SEMA3E: variants seen among roughly 807,000 people sequenced by gnomAD.
SEMA3E encodes the protein semaphorin-3E.
A neutral mutation model predicts 93.6 loss-of-function variants in SEMA3E; 49 were observed. The observed-to-expected ratio is 0.52, with a 90% CI of 0.42 to 0.66. The LOEUF is 0.66. SEMA3E is among the 30% of genes least tolerant of loss of function. SEMA3E has a pLI of 0.00. For synonymous variants in SEMA3E, 363 were observed against 330.7 expected, an observed-to-expected ratio of 1.10 and a Z score of -1.06; for missense variants, 906 against 964.8, an observed-to-expected ratio of 0.94 and a Z score of 0.81.
intron 1 of SEMA3E, among the ~76,000 whole-genome samples, chr7:83,643,797 T>A (rs1311481362): frequency 6.6e-6 from 1 of 152,004 alleles, no homozygotes; most frequent in Non-Finnish European, 1.5e-5. Flanking sequence ...CACCACTTAA[T>A]TCTCACTGTC....
intron 4 of SEMA3E, among the ~76,000 whole-genome samples, chr7:83,441,506 G>T: frequency 6.6e-6 from 1 of 152,162 alleles, no homozygotes; most frequent in East Asian, 1.9e-4. Context: ...AAAAAAGAAA[G>T]ATATGGTGAT....
Position 83,394,337 on chromosome 7 carries a change from T to A in SEMA3E, c.1460A>T (p.Asp487Val). The change falls in exon 13 of 17, where the codon GAT becomes GTT. Residue 487 changes from aspartate (D) to valine (V), a missense_variant and splice_region_variant. Physicochemically the swap from Asp to Val is radical, Grantham distance 152. Coordinates refer to ENST00000643230, the MANE Select transcript of SEMA3E (RefSeq NM_012431.3). ...VILEELQIFK[D>V]PVPIISMEIS... is the part of the protein sequence containing the mutation. ...CTCCATAGAAATAATAGGAACTGGATCCTGAAATTTTAAAAAAGTTTTCAT... is the reference window on the plus strand; with the variant it reads ...CTCCATAGAAATAATAGGAACTGGAACCTGAAATTTTAAAAAAGTTTTCAT... 6.2e-7 allele frequency: 1 copy of A among 1,612,796 alleles called. No homozygotes were observed. The highest frequency in any genetic ancestry group is 8.5e-7 in the Non-Finnish European group (1 of 1,179,486).
chr7:83,541,065 A>T (rs549111215), intron 1 of SEMA3E, among the ~76,000 whole-genome samples: 1 of 152,284 alleles, frequency 6.6e-6, no homozygotes, highest in South Asian at 2.1e-4. Flanking sequence ...ACACACCCTT[A>T]GGGGAAGGCT....
At chr7:83,543,201 G>A (rs1331402984) in intron 1 of SEMA3E, among the ~76,000 whole-genome samples, 1 of 151,738 alleles carries the variant, frequency 6.6e-6, no homozygotes, top group African/African-American at 2.4e-5. Context: ...TTTGTTCTGG[G>A]GAAGCAGAAA....
At chr7:83,411,456 T>A (rs58557564) in intron 5 of SEMA3E, among the ~76,000 whole-genome samples, 6,409 of 152,218 alleles carry the variant, frequency 0.042, 194 homozygotes, top group African/African-American at 0.079. Context: ...TCCTTTCATA[T>A]CTTCATATCA....
At chr7:83,424,119 A>G (rs188489613) in intron 4 of SEMA3E, among the ~76,000 whole-genome samples, 2 of 152,316 alleles carry the variant, frequency 1.3e-5, no homozygotes, top group East Asian at 3.9e-4. Context: ...TTATCAGTGC[A>G]TAACAATAGA....
intron 1 of SEMA3E, among the ~76,000 whole-genome samples, chr7:83,559,118 T>G (rs2115828539): frequency 6.6e-6 from 1 of 152,208 alleles, no homozygotes; most frequent in South Asian, 2.1e-4. Context: ...GCAGGAACAG[T>G]ATTGGACTTG....
chr7:83,407,842 G>C (rs769054466), intron 6 of SEMA3E, among the ~76,000 whole-genome samples: 1 of 152,002 alleles, frequency 6.6e-6, no homozygotes, highest in Non-Finnish European at 1.5e-5. Flanking sequence ...TAAAAATGTG[G>C]AAAGTAATTA....
intron 1 of SEMA3E, among the ~76,000 whole-genome samples, chr7:83,525,954 ATT>A (rs1038776006): frequency 7.2e-6 from 1 of 139,010 alleles, no homozygotes; most frequent in Non-Finnish European, 1.6e-5. Flanking sequence ...TTGGTAGGTT[ATT>A]TTTTTTTTTT....
chr7:83,580,044 T>G (rs906830769), intron 1 of SEMA3E, among the ~76,000 whole-genome samples: 1 of 152,016 alleles, frequency 6.6e-6, no homozygotes, highest in Non-Finnish European at 1.5e-5. Flanking sequence ...TTTAATTTTA[T>G]GTGTCAATTC....
At position 83,367,243 on chromosome 7, in the gene SEMA3E, C is replaced by A. The variant is rs1458745143; in HGVS notation, c.*343G>T. On this transcript the variant is annotated 3_prime_UTR_variant, in exon 17 of 17. Transcript: ENST00000643230. ...TTTTATATTTACCATGATTATAAGT[C>A]TCCAATTTTTCTTCAATATTCTAAT... 3.9e-6 allele frequency: 1 copy of A among 254,592 alleles called. No homozygotes were observed. Among genetic ancestry groups the A allele is most frequent in the East Asian group, 9.7e-5 (1 of 10,332 alleles). 15.8% of individuals were successfully genotyped at this position (254,592 alleles called of 1,614,324 possible).
intron 16 of SEMA3E, among the ~76,000 whole-genome samples, chr7:83,380,446 C>G: frequency 6.6e-6 from 1 of 152,006 alleles, no homozygotes; most frequent in Non-Finnish European, 1.5e-5. Context: ...ATTCCTTGAT[C>G]TGTCTACTCA....
chr7:83,542,044 C>A (rs1791546682), intron 1 of SEMA3E, among the ~76,000 whole-genome samples: 1 of 152,000 alleles, frequency 6.6e-6, no homozygotes, highest in African/African-American at 2.4e-5. Context: ...TGTAGTGACT[C>A]AGTGACAGTC....
chr7:83,580,964 T>A (rs988655548), intron 1 of SEMA3E, among the ~76,000 whole-genome samples: 2 of 151,958 alleles, frequency 1.3e-5, no homozygotes, highest in African/African-American at 4.8e-5. Context: ...TTATATTCCC[T>A]AGATGATGAA....
intron 4 of SEMA3E, among the ~76,000 whole-genome samples, chr7:83,458,953 A>ATG (rs1554328012): frequency 0.044 from 6,343 of 143,786 alleles, 199 homozygotes; most frequent in African/African-American, 0.08. Context: ...ACATATGTAT[A>ATG]TGTGTGTGTG....
chr7:83,582,855 T>A (rs909230558), intron 1 of SEMA3E, among the ~76,000 whole-genome samples: 1 of 151,974 alleles, frequency 6.6e-6, no homozygotes, highest in Non-Finnish European at 1.5e-5. Flanking sequence ...AAAACATAAG[T>A]AATGAAAAAT....
intron 4 of SEMA3E, among the ~76,000 whole-genome samples, chr7:83,442,050 G>GA (rs1456202541): frequency 5.3e-5 from 8 of 152,122 alleles, no homozygotes; most frequent in Admixed American, 4.6e-4. Flanking sequence ...ATATTATGGA[G>GA]AAAAAATGTA....
intron 1 of SEMA3E, among the ~76,000 whole-genome samples, chr7:83,639,449 A>G (rs1008295046): frequency 9.2e-5 from 14 of 152,032 alleles, no homozygotes; most frequent in African/African-American, 3.4e-4. Flanking sequence ...CCAACTAAAT[A>G]TATATACATT....
At chr7:83,572,413 G>T (rs973474566) in intron 1 of SEMA3E, among the ~76,000 whole-genome samples, 1 of 152,050 alleles carries the variant, frequency 6.6e-6, no homozygotes, top group African/African-American at 2.4e-5. Flanking sequence ...GGCCAAGGCG[G>T]GTGGATCAGG....
Sources: gnomAD v4.1 joint callset for allele counts (sites outside exome capture counted in the v4.1 genomes callset) on GRCh38, gnomAD v4.1.1 for gene constraint, MANE v1.5 for transcripts, NCBI Gene and HGNC (gene_info 2026-07-23, HGNC 2026-07-21) for gene names.